Variants in SYNE1 observed in about 807,000 individuals in gnomAD.
The protein encoded by SYNE1 is spectrin repeat containing nuclear envelope protein 1, also known as nesprin-1.
SYNE1 carries 616 observed loss-of-function variants against 1,111.0 expected under a neutral mutation model. The observed-to-expected ratio is 0.55, with a 90% CI of 0.52 to 0.59. The LOEUF (loss-of-function observed/expected upper bound fraction) is 0.59. Among genes scored for constraint, SYNE1 ranks in the 20% least tolerant of loss-of-function variants. The probability of loss-of-function intolerance (pLI) is 0.00; values close to 1 mark genes in which losing one functional copy is unlikely to be tolerated. For missense variants in SYNE1, 10,006 were observed against 10,417.0 expected, an observed-to-expected ratio of 0.96 and a Z score of 1.72; for synonymous variants, 3,855 against 3,825.8, an observed-to-expected ratio of 1.01 and a Z score of -0.28.
rs1271633941 is a variant in SYNE1 at position 152,256,683 on chromosome 6, G to A, written c.19055C>T (p.Thr6352Ile). ...TTGGTTCAGTCCATCCAGCAAAGAT[G>A]TAACTGCAGATTTATCTTGGGTTGG... ...DVPTQDKSAV[T>I]SLLDGLNQAF... The change falls in exon 102 of 146, where the codon ACA becomes ATA. Residue 6352 changes from threonine to isoleucine, a missense_variant. Coordinates refer to ENST00000367255, the MANE Select transcript of SYNE1 (RefSeq NM_182961.4). The A allele has an allele frequency of 6.2e-7, 1 of 1,614,040 alleles. No individual in the cohort carries two copies. Among genetic ancestry groups the A allele is most frequent in the East Asian group, 2.2e-5 (1 of 44,880 alleles).
intron 59 of SYNE1, among the ~76,000 whole-genome samples, chr6:152,370,776 T>A (rs1215609475): frequency 6.6e-6 from 1 of 152,184 alleles, no homozygotes; most frequent in East Asian, 1.9e-4. Context: ...AGAATCTAAG[T>A]GGCAAGAGCT....
intron 56 of SYNE1, among the ~76,000 whole-genome samples, chr6:152,377,738 A>G (rs2154107616): frequency 1.4e-5 from 2 of 146,344 alleles, no homozygotes; most frequent in South Asian, 4.3e-4. Context: ...TACATTAAAA[A>G]TTTCTTATAA....
At position 152,425,680 on chromosome 6, in the gene SYNE1, G is replaced by A. The variant is rs148714000; in HGVS notation, c.5101-133C>T. 436 of 1,020,160 alleles carry A rather than the reference G, an allele frequency of 4.3e-4. 1 individual carries two copies. In the African/African-American group the frequency reaches 6.0e-3, roughly 14 times the overall value. 63.2% of individuals were successfully genotyped at this position (1,020,160 alleles called of 1,614,324 possible). On this transcript the variant is annotated intron_variant, in intron 38 of 145. Transcript: ENST00000367255. Reference sequence around the variant, plus strand: ...AGTCATTCGGGACAGGCTGAAGAGAGTTTTTATTACTTGATTTAGAAATGG... The same window carrying A: ...AGTCATTCGGGACAGGCTGAAGAGAATTTTTATTACTTGATTTAGAAATGG...
intron 62 of SYNE1, among the ~76,000 whole-genome samples, chr6:152,366,469 C>T (rs533636678): frequency 6.6e-6 from 1 of 152,066 alleles, no homozygotes; most frequent in Non-Finnish European, 1.5e-5. Context: ...CAAGACCAGC[C>T]TAAGCAAGAA....
chr6:152,170,706 C>T (rs1406736388), intron 130 of SYNE1, among the ~76,000 whole-genome samples: 1 of 152,220 alleles, frequency 6.6e-6, no homozygotes, highest in Non-Finnish European at 1.5e-5. Flanking sequence ...CAAAGCCTTG[C>T]TTGCACTGCA....
At chr6:152,513,614 G>A (rs2099096928) in intron 6 of SYNE1, among the ~76,000 whole-genome samples, 1 of 152,134 alleles carries the variant, frequency 6.6e-6, no homozygotes, top group African/African-American at 2.4e-5. Flanking sequence ...TATTACAGGA[G>A]TGAGCCACCA....
At chr6:152,495,349 T>C (rs1395066825) in intron 11 of SYNE1, among the ~76,000 whole-genome samples, 1 of 152,200 alleles carries the variant, frequency 6.6e-6, no homozygotes, top group East Asian at 1.9e-4. Flanking sequence ...TCTGTTGACA[T>C]AATTCCTCAA....
rs761577958 is a variant in SYNE1, at chr6:152,221,566, C to CA, written c.21523-8dup. 3.7e-5 allele frequency: 59 copies of CA among 1,611,000 alleles called. No homozygotes were observed. The highest frequency in any genetic ancestry group is 1.6e-4 in the Middle Eastern group (1 of 6,074). On this transcript the variant is annotated splice_region_variant and splice_polypyrimidine_tract_variant and intron_variant, in intron 117 of 145. Transcript: ENST00000367255. ...CCAGATCATCTTGGAGATTCTGCCC[C>CA]AAAAAAAAGACCCATAGATGACATA...
intron 129 of SYNE1, 99 bp from the exon 130 acceptor site, chr6:152,176,659 T>A: frequency 8.1e-7 from 1 of 1,229,844 alleles, no homozygotes; most frequent in Non-Finnish European, 1.2e-6. Flanking sequence ...TTCTACTGCT[T>A]GGAAGTAGTT....
Position 152,330,811 on chromosome 6 carries a change from G to A in SYNE1, c.13874C>T (p.Thr4625Ile), listed in dbSNP as rs1350424542. The A allele has an allele frequency of 6.2e-7, 1 of 1,613,838 alleles. No individual in the cohort carries two copies. Among genetic ancestry groups the A allele is most frequent in the African/African-American group, 1.3e-5 (1 of 74,938 alleles). ...CAGCGATGGTAATATGGTCTGCCCA[G>A]TTCTCTGCAGCGTAAGTAGAAGATT... ...YENLLLTLQRTGQTILPSLNE... is the reference protein window; with the variant it reads ...YENLLLTLQRIGQTILPSLNE... The change falls in exon 78 of 146, where the codon ACT becomes ATT. Residue 4625 changes from threonine to isoleucine, a missense_variant. Around this residue, in one of 7 missense-constraint regions of SYNE1, gnomAD observed 4,955 missense variants for 5,017.2 expected, o/e 0.99. Coordinates refer to ENST00000367255, the MANE Select transcript of SYNE1 (RefSeq NM_182961.4).
At chr6:152,310,162 C>A in intron 89 of SYNE1, 145 bp from the exon 90 acceptor site, 1 of 1,219,780 alleles carries the variant, frequency 8.2e-7, no homozygotes, top group Middle Eastern at 2.8e-4. Context: ...AGTTTAGGGG[C>A]TGGACACAGT....
chr6:152,364,730 G>GAAAGGGAGGA, intron 63 of SYNE1, 117 bp downstream of exon 63: 1 of 679,546 alleles, frequency 1.5e-6, no homozygotes, highest in South Asian at 1.7e-5. Flanking sequence ...GGAAGGAAGG[G>GAAAGGGAGGA]AGGAAGGAAA....
chr6:152,233,190 C>T (rs2083186300), intron 112 of SYNE1, among the ~76,000 whole-genome samples: 1 of 152,214 alleles, frequency 6.6e-6, no homozygotes, highest in African/African-American at 2.4e-5. Context: ...GTGTATGTAA[C>T]TGTCCACATT....
intron 98 of SYNE1, among the ~76,000 whole-genome samples, chr6:152,276,605 T>C (rs1006587019): frequency 6.6e-6 from 1 of 152,112 alleles, no homozygotes; most frequent in Non-Finnish European, 1.5e-5. Flanking sequence ...CCGTTAACAA[T>C]ATTTATGTCC....
rs149724823 is a variant in SYNE1 at position 152,626,474 on chromosome 6, A to T, written c.67+1791T>A. ...AGACAAACAGCCAAGACAAACATAG[A>T]CAGTGGAATGGAACTCAAATTCAGC... is the stretch of plus-strand genomic sequence containing the variant. On this transcript the variant is annotated intron_variant, in intron 3 of 145. Transcript: ENST00000367255. 2.9e-3 allele frequency among the ~76,000 whole-genome samples: 445 copies of T among 152,244 alleles called. 4 individuals carry two copies. Among genetic ancestry groups the T allele is most frequent in the African/African-American group, 0.01 (423 of 41,546 alleles).
At chr6:152,212,605 T>C (rs576970106) in intron 123 of SYNE1, among the ~76,000 whole-genome samples, 1 of 152,280 alleles carries the variant, frequency 6.6e-6, no homozygotes, top group East Asian at 1.9e-4. Flanking sequence ...ACACAAGTTT[T>C]TGTGTGGACA....
chr6:152,315,868 G>A (rs2153887894), intron 87 of SYNE1: 1 of 152,254 alleles, frequency 6.6e-6, no homozygotes, highest in East Asian at 1.9e-4. Context: ...AAAATTAGAA[G>A]CTGTTAAAGC....
chr6:152,556,446 T>G (rs2099365281), intron 3 of SYNE1, among the ~76,000 whole-genome samples: 2 of 152,202 alleles, frequency 1.3e-5, no homozygotes, highest in Admixed American at 6.5e-5. Context: ...GGCCTGCCCA[T>G]GCAGATCTGT....
Position 152,213,633 on chromosome 6 carries a change from C to T in SYNE1, c.22473G>A (p.Leu7491=), listed in dbSNP as rs34891041. 0.028 allele frequency: 45,580 copies of T among 1,613,978 alleles called. 781 individuals carry two copies. Among genetic ancestry groups the T allele is most frequent in the African/African-American group, 0.048 (3,564 of 75,012 alleles). ...TTACCTCGTGTGCTCTCTGCTGTTC[C>T]AAAAGGTGCTGATAATTTCCTGAAA... ...VEISGNYQHL[L]EQQRAHELFQ... The change falls in exon 123 of 146, where the codon TTG becomes TTA. Residue 7491 remains leucine (L), a synonymous_variant. Transcript: ENST00000367255.
Sources: gnomAD v4.1 joint callset for allele counts (sites outside exome capture counted in the v4.1 genomes callset) on GRCh38, gnomAD v4.1.1 for gene constraint, gnomAD v4.1.1 regional missense constraint, MANE v1.5 for transcripts, NCBI Gene and HGNC (gene_info 2026-07-23, HGNC 2026-07-21) for gene names.